The following IKZF2 variants were observed in gnomAD, a reference collection of about 807,000 sequenced individuals.
IKZF2 encodes IKAROS family zinc finger 2.
In IKZF2, 15 loss-of-function variants were observed where a neutral mutation model predicts 49.2. That is an observed-to-expected ratio of 0.30 (90% CI 0.20 to 0.47). IKZF2 has a LOEUF of 0.47. Ranked by LOEUF, IKZF2 falls within the 20% of genes least tolerant of loss-of-function variation. The pLI is 1.00. For synonymous variants in IKZF2, 227 were observed against 221.4 expected, an observed-to-expected ratio of 1.03 and a Z score of -0.23; for missense variants, 567 against 664.6, an observed-to-expected ratio of 0.85 and a Z score of 1.61.
rs1302725520 is a variant in IKZF2 at position 213,002,400 on chromosome 2, A to G, written c.*4960T>C. 2 of 151,596 alleles carry G rather than the reference A, an allele frequency of 1.3e-5. No homozygotes were observed. Among genetic ancestry groups the G allele is most frequent in the African/African-American group, 2.4e-5 (1 of 41,414 alleles). The allele number at this position is 151,596 out of a possible 1,614,324, so 9.4% of individuals were successfully genotyped here. On this transcript the variant is annotated 3_prime_UTR_variant, in exon 9 of 9. Transcript: ENST00000434687. Reference sequence around the variant, plus strand: ...TAAAAAGCTAGAAATAGAATATTACATAAAAACCTTATGGAAATTCCAAAG... The same window carrying G: ...TAAAAAGCTAGAAATAGAATATTACGTAAAAACCTTATGGAAATTCCAAAG...
chr2:213,088,613 G>C (rs1381134621), intron 4 of IKZF2, among the ~76,000 whole-genome samples: 3 of 152,032 alleles, frequency 2.0e-5, no homozygotes, highest in African/African-American at 7.2e-5. Context: ...ATAAAAATTA[G>C]CCAGTCATAG....
chr2:213,027,938 A>G (rs1574533356), intron 6 of IKZF2, among the ~76,000 whole-genome samples: 2 of 152,238 alleles, frequency 1.3e-5, no homozygotes, highest in East Asian at 3.9e-4. Context: ...ACTATATATA[A>G]TAAGTATATA....
At chr2:213,103,735 C>A (rs1470252853) in intron 4 of IKZF2, among the ~76,000 whole-genome samples, 3 of 152,010 alleles carry the variant, frequency 2.0e-5, no homozygotes, top group Non-Finnish European at 4.4e-5. Context: ...TACAAATAAG[C>A]TATTTTAAAG....
At chr2:213,055,125 A>G (rs989273800) in intron 5 of IKZF2, among the ~76,000 whole-genome samples, 1 of 152,072 alleles carries the variant, frequency 6.6e-6, no homozygotes, top group Non-Finnish European at 1.5e-5. Context: ...ATGCAATTCA[A>G]CTGAAAAGCC....
chr2:213,025,992 T>C (rs1217358149), intron 6 of IKZF2, among the ~76,000 whole-genome samples: 2 of 152,160 alleles, frequency 1.3e-5, no homozygotes, highest in Non-Finnish European at 2.9e-5. Context: ...AGACTTCAAA[T>C]AGGCTTTCTC....
intron 7 of IKZF2, 121 bp downstream of exon 7, chr2:213,021,872 G>T: frequency 1.9e-6 from 2 of 1,034,066 alleles, no homozygotes; most frequent in Non-Finnish European, 2.8e-6. Context: ...GTATCCCAAA[G>T]CTCAACTCAT....
chr2:213,019,909 C>T (rs1011504404), intron 7 of IKZF2, among the ~76,000 whole-genome samples: 4 of 152,196 alleles, frequency 2.6e-5, no homozygotes, highest in African/African-American at 9.7e-5. Context: ...GCATTTGATT[C>T]TCTAAAAGTT....
At chr2:213,024,543 T>A (rs1273475954) in intron 6 of IKZF2, among the ~76,000 whole-genome samples, 1 of 152,110 alleles carries the variant, frequency 6.6e-6, no homozygotes, top group Non-Finnish European at 1.5e-5. Context: ...TTTGAAAAGG[T>A]TGAACAAGAA....
intron 4 of IKZF2, among the ~76,000 whole-genome samples, chr2:213,138,041 C>T (rs994384066): frequency 6.6e-6 from 1 of 152,074 alleles, no homozygotes; most frequent in Non-Finnish European, 1.5e-5. Context: ...TAGAACGTGA[C>T]TTCACACTGA....
intron 7 of IKZF2, chr2:213,017,166 T>G (rs1345136906): frequency 6.6e-6 from 1 of 152,218 alleles, no homozygotes; most frequent in Non-Finnish European, 1.5e-5. Flanking sequence ...TTACTCATCT[T>G]CATGAAATTT....
chr2:213,049,709 T>C lies in IKZF2; in HGVS notation c.574+4A>G. The C allele has an allele frequency of 6.4e-7, 1 of 1,552,976 alleles. No homozygotes were observed. Among genetic ancestry groups the C allele is most frequent in the Non-Finnish European group, 8.7e-7 (1 of 1,147,054 alleles). On this transcript the variant is annotated splice_donor_region_variant and intron_variant, in intron 6 of 8. Transcript: ENST00000434687. Reference sequence around the variant, plus strand: ...TTTCTTCTCAAGGAGTTGGTGACACTTACCAGAATGGGTCCTGAGGTGTCC... The same window carrying C: ...TTTCTTCTCAAGGAGTTGGTGACACCTACCAGAATGGGTCCTGAGGTGTCC...
chr2:213,021,675 T>A (rs773356801), intron 7 of IKZF2: 2 of 451,302 alleles, frequency 4.4e-6, no homozygotes, highest in South Asian at 3.4e-5. Context: ...AACCAATTCA[T>A]TCTTTTAGGC....
chr2:213,015,698 T>A (rs937790400), intron 7 of IKZF2, among the ~76,000 whole-genome samples: 1 of 151,010 alleles, frequency 6.6e-6, no homozygotes, highest in Admixed American at 6.6e-5. Flanking sequence ...GAAATAACAA[T>A]AAAACTAAAA....
At chr2:213,042,796 T>C (rs1330776743) in intron 6 of IKZF2, among the ~76,000 whole-genome samples, 1 of 152,084 alleles carries the variant, frequency 6.6e-6, no homozygotes. Flanking sequence ...AAAAATTACA[T>C]GCTATTCAAC....
intron 4 of IKZF2, among the ~76,000 whole-genome samples, chr2:213,101,434 G>A (rs917197577): frequency 2.0e-5 from 3 of 151,804 alleles, no homozygotes; most frequent in Non-Finnish European, 4.4e-5. Context: ...GAATAGATAC[G>A]TTCACTGTAG....
At chr2:213,035,713 G>A (rs868857722) in intron 6 of IKZF2, among the ~76,000 whole-genome samples, 2 of 152,172 alleles carry the variant, frequency 1.3e-5, no homozygotes, top group South Asian at 2.1e-4. Flanking sequence ...TAAAGTAGTA[G>A]AAGATCAGAC....
chr2:213,047,318 G>T (rs551174541), intron 6 of IKZF2, among the ~76,000 whole-genome samples: 1 of 152,130 alleles, frequency 6.6e-6, no homozygotes, highest in African/African-American at 2.4e-5. Flanking sequence ...GCTACATGGA[G>T]TGGTGAAATG....
intron 7 of IKZF2, chr2:213,015,413 T>C (rs1202485473): frequency 6.6e-6 from 1 of 152,082 alleles, no homozygotes; most frequent in East Asian, 1.9e-4. Flanking sequence ...ATTAATGATG[T>C]TATCACATTG....
In IKZF2 at chr2:213,006,169, G is replaced by A. The variant is rs1695328243; in HGVS notation, c.*1191C>T. On this transcript the variant is annotated 3_prime_UTR_variant, in exon 9 of 9. Transcript: ENST00000434687. The stretch of plus-strand genomic sequence containing the variant: ...ACAGGGTTCAAGTTACCAGATTCAG[G>A]CCAAATTAGCAATTGCTCTGAGGAG... The A allele has an allele frequency of 6.6e-6, 1 of 151,924 alleles. No individual in the cohort carries two copies. The highest frequency in any genetic ancestry group is 2.1e-4 in the South Asian group (1 of 4,818). 9.4% of individuals were successfully genotyped at this position (151,924 alleles called of 1,614,324 possible).
Sources: allele counts gnomAD v4.1 joint callset (sites outside exome capture counted in the v4.1 genomes callset), GRCh38; gene constraint gnomAD v4.1.1; transcripts MANE v1.5; gene names NCBI Gene and HGNC (gene_info 2026-07-23, HGNC 2026-07-21).